The following JAKMIP1 variants were observed in gnomAD, a reference collection of about 807,000 sequenced individuals.
JAKMIP1 encodes the protein janus kinase and microtubule-interacting protein 1.
JAKMIP1 carries 33 observed loss-of-function variants against 113.0 expected under a neutral mutation model. The ratio of observed to expected loss-of-function variants is 0.29; its 90% CI spans 0.22 to 0.39. JAKMIP1 has a LOEUF of 0.39. JAKMIP1 is among the 10% of genes least tolerant of loss of function. The probability of loss-of-function intolerance (pLI) is 1.00; values close to 1 mark genes in which losing one functional copy is unlikely to be tolerated. For synonymous variants in JAKMIP1, 480 were observed against 459.9 expected (o/e 1.04, Z -0.56); for missense variants, 813 against 1,080.5 (o/e 0.75, Z 3.47).
At position 6,054,112 on chromosome 4, in the gene JAKMIP1, T is replaced by A. The variant is rs756712997; in HGVS notation, c.1744A>T (p.Asn582Tyr). 6.2e-7 allele frequency: 1 copy of A among 1,614,216 alleles called. No homozygotes were observed. Among genetic ancestry groups the A allele is most frequent in the South Asian group, 1.1e-5 (1 of 91,074 alleles). ...TGATCCTTGGCGTCTTGCATTTCAT[T>A]CTTCAGCTGGTTCTCTTCCATTTCC... ...RLEMEENQLK[N>Y]EMQDAKDQNE... The change falls in exon 13 of 21, where the codon AAT (asparagine) becomes TAT (tyrosine). Residue 582 changes from asparagine to tyrosine, a missense_variant. By Grantham distance (143) the Asn-to-Tyr change is moderately radical. Transcript: ENST00000409021.
intron 1 of JAKMIP1, among the ~76,000 whole-genome samples, chr4:6,196,316 C>T (rs1377902578): frequency 1.3e-5 from 2 of 152,230 alleles, no homozygotes; most frequent in African/African-American, 2.4e-5. Context: ...CAGCCCTTCA[C>T]AGCATGAGGC....
intron 5 of JAKMIP1, among the ~76,000 whole-genome samples, chr4:6,083,360 A>G (rs904152055): frequency 3.3e-5 from 5 of 151,220 alleles, no homozygotes; most frequent in Non-Finnish European, 7.4e-5. Flanking sequence ...CTGAGATCAC[A>G]TCACCTCACT....
At position 6,080,060 on chromosome 4, in the gene JAKMIP1, A is replaced by T; in HGVS notation, c.1242+112T>A. 13 of 1,280,192 alleles carry T rather than the reference A, an allele frequency of 1.0e-5. No individual in the cohort carries two copies. Among genetic ancestry groups the T allele is most frequent in the Non-Finnish European group, 1.4e-5 (13 of 942,590 alleles). 79.3% of individuals were successfully genotyped at this position (1,280,192 alleles called of 1,614,324 possible). ...TGAGTCCCAAAGTCAGCACTGCCTG[A>T]CCCTGACCCAGCTCAGCAGCATCAC... On this transcript the variant is annotated intron_variant, in intron 7 of 20. Transcript: ENST00000409021. This position sits in a 1 kb window ranked among gnomAD's most constrained non-coding sequence, Gnocchi z 6.0.
rs1723758515 is a variant in JAKMIP1 at position 6,167,301 on chromosome 4, G to A, written c.-148+32952C>T. Among the ~76,000 whole-genome samples the A allele has an allele frequency of 6.6e-6, 1 of 151,890 alleles. No individual in the cohort carries two copies. On this transcript the variant is annotated intron_variant, in intron 1 of 20. Transcript: ENST00000409021. This position sits in a 1 kb window ranked among gnomAD's most constrained non-coding sequence, Gnocchi z 5.3. ...TCAGAGCTGGGACTTCATCTTTCAT[G>A]TGGCTCCTCCTCCCCCTGACAGTGG...
Position 6,129,850 on chromosome 4 carries a change from A to C in JAKMIP1, c.-147-16853T>G, listed in dbSNP as rs1284234264. On this transcript the variant is annotated intron_variant, in intron 1 of 20. Transcript: ENST00000409021. The surrounding 1 kb of genome is among the most constrained non-coding windows in gnomAD (Gnocchi z 5.4). ...GTCACTGTCCCCCAGTCAAAGAATC[A>C]TCACGTTCACCTCTGCTGTGGAGGA... Among the ~76,000 whole-genome samples, 1 of 152,232 alleles carries C rather than the reference A, an allele frequency of 6.6e-6. No homozygotes were observed. Among genetic ancestry groups the C allele is most frequent in the Non-Finnish European group, 1.5e-5 (1 of 68,038 alleles).
intron 13 of JAKMIP1, chr4:6,053,838 T>TG: frequency 7.2e-7 from 1 of 1,390,404 alleles, no homozygotes; most frequent in Non-Finnish European, 9.3e-7. Flanking sequence ...TCCATAGACT[T>TG]GGGTGAGCAC....
At chr4:6,113,599 G>C (rs1170357876) in intron 1 of JAKMIP1, among the ~76,000 whole-genome samples, 1 of 152,222 alleles carries the variant, frequency 6.6e-6, no homozygotes, top group Non-Finnish European at 1.5e-5. Flanking sequence ...GAGGTTGACT[G>C]CTGGTGATGT....
At chr4:6,085,717 A>G in intron 3 of JAKMIP1, 88 bp from the exon 4 acceptor site, 2 of 1,222,852 alleles carry the variant, frequency 1.6e-6, no homozygotes, top group African/African-American at 3.0e-5. Flanking sequence ...GCCCAGGGAA[A>G]GGTCAAAGCA....
At chr4:6,092,023 A>T (rs1030822876) in intron 3 of JAKMIP1, among the ~76,000 whole-genome samples, 10 of 152,300 alleles carry the variant, frequency 6.6e-5, no homozygotes, top group African/African-American at 2.4e-4. Flanking sequence ...TTGGAATCTC[A>T]GAGTCTTTCC....
intron 3 of JAKMIP1, among the ~76,000 whole-genome samples, chr4:6,100,835 C>T (rs549940328): frequency 6.6e-6 from 1 of 152,034 alleles, no homozygotes; most frequent in Non-Finnish European, 1.5e-5. Flanking sequence ...GGTAGAACAC[C>T]TTTTCACATA....
rs4689339 is a variant in JAKMIP1, at chr4:6,116,274, A to T, written c.-147-3277T>A. Among the ~76,000 whole-genome samples, 1 of 151,892 alleles carries T rather than the reference A, an allele frequency of 6.6e-6. No homozygotes were observed. Among genetic ancestry groups the T allele is most frequent in the Non-Finnish European group, 1.5e-5 (1 of 67,998 alleles). On this transcript the variant is annotated intron_variant, in intron 1 of 20. Transcript: ENST00000409021. This position sits in a 1 kb window ranked among gnomAD's most constrained non-coding sequence, Gnocchi z 5.1. ...TGGCTGCGGGCTGCCCAAAGGTCTC[A>T]TCAGCAGGAGCAACAGCAGGGAACT...
At chr4:6,146,667 C>T (rs1316332483) in intron 1 of JAKMIP1, among the ~76,000 whole-genome samples, 1 of 152,204 alleles carries the variant, frequency 6.6e-6, no homozygotes, top group Non-Finnish European at 1.5e-5. Flanking sequence ...CTGGACTGTA[C>T]ACTGAAAAGT....
In JAKMIP1 at chr4:6,108,915, T is replaced by A. The variant is rs563019837; in HGVS notation, c.130-2948A>T. Among the ~76,000 whole-genome samples, 1 of 152,350 alleles carries A rather than the reference T, an allele frequency of 6.6e-6. No homozygotes were observed. Among genetic ancestry groups the A allele is most frequent in the African/African-American group, 2.4e-5 (1 of 41,582 alleles). On this transcript the variant is annotated intron_variant, in intron 2 of 20. Transcript: ENST00000409021. This position sits in a 1 kb window ranked among gnomAD's most constrained non-coding sequence, Gnocchi z 5.6. ...ATATGGAAATATTTACAGGTATGCG[T>A]ACATACGCAGGTCAGTATACACATA...
intron 1 of JAKMIP1, among the ~76,000 whole-genome samples, chr4:6,189,034 T>G (rs1430848637): frequency 1.3e-5 from 2 of 152,122 alleles, no homozygotes; most frequent in Non-Finnish European, 2.9e-5. Flanking sequence ...CATAATGAGC[T>G]CACTCACCCA....
At chr4:6,118,603 C>T (rs1170818509) in intron 1 of JAKMIP1, among the ~76,000 whole-genome samples, 1 of 152,204 alleles carries the variant, frequency 6.6e-6, no homozygotes, top group East Asian at 1.9e-4. Flanking sequence ...TGCCCATGCA[C>T]TGGGTGCAAG....
At chr4:6,055,394 C>T (rs567124127) in intron 12 of JAKMIP1, among the ~76,000 whole-genome samples, 6 of 152,178 alleles carry the variant, frequency 3.9e-5, no homozygotes, top group African/African-American at 9.7e-5. Context: ...AAATAAGCTA[C>T]GATTTTAATT....
intron 19 of JAKMIP1, among the ~76,000 whole-genome samples, chr4:6,033,975 T>G (rs1460350895): frequency 6.6e-6 from 1 of 152,086 alleles, no homozygotes; most frequent in Non-Finnish European, 1.5e-5. Flanking sequence ...AGGGTCACTT[T>G]GTGGCTAGCT....
intron 17 of JAKMIP1, among the ~76,000 whole-genome samples, chr4:6,041,134 G>C (rs2108755872): frequency 6.6e-6 from 1 of 152,126 alleles, no homozygotes; most frequent in East Asian, 1.9e-4. Flanking sequence ...CTCCCGATTG[G>C]TCTCACTGAG....
chr4:6,067,643 GCACACA>G lies in JAKMIP1; in HGVS notation c.1303-2641_1303-2636del, dbSNP rs58695938. On this transcript the variant is annotated intron_variant, in intron 8 of 20. Transcript: ENST00000409021. This position sits in a 1 kb window ranked among gnomAD's most constrained non-coding sequence, Gnocchi z 4.6. ...GCTCCAGGTTCACTCAAGCTCTTCT[GCACACA>G]CACACACAGGTCACCCCCTGAGCTC... Among the ~76,000 whole-genome samples the G allele has an allele frequency of 3.8e-3, 444 of 116,698 alleles. No individual in the cohort carries two copies. Among genetic ancestry groups the G allele is most frequent in the East Asian group, 5.5e-3 (21 of 3,836 alleles). 76.6% of individuals were successfully genotyped at this position (116,698 alleles called of 152,430 possible). A position where few individuals can be genotyped will look rare whatever the true frequency, so the allele number is the denominator to read the frequency against.
Sources: allele counts gnomAD v4.1 joint callset (sites outside exome capture counted in the v4.1 genomes callset), GRCh38; gene constraint gnomAD v4.1.1; non-coding constraint Gnocchi (gnomAD v3.1); transcripts MANE v1.5; gene names NCBI Gene and HGNC (gene_info 2026-07-23, HGNC 2026-07-21).